The following SIGLEC14 variants were observed in gnomAD, a reference collection of about 807,000 sequenced individuals.
SIGLEC14 encodes the protein sialic acid binding Ig like lectin 14, also known as sialic acid-binding Ig-like lectin 14.
Under a neutral mutation model 34.2 loss-of-function variants are expected in SIGLEC14, and 11 were observed. That is an observed-to-expected ratio of 0.32 (90% CI 0.20 to 0.53). The LOEUF (loss-of-function observed/expected upper bound fraction) is 0.53, where lower values mean the gene tolerates loss of function less well. SIGLEC14 is among the 20% of genes least tolerant of loss of function. The pLI, the probability that SIGLEC14 is intolerant of heterozygous loss-of-function variation, is 0.95. For missense variants in SIGLEC14, 264 were observed against 439.0 expected (o/e 0.60, Z 3.56); for synonymous variants, 99 against 179.7 (o/e 0.55, Z 3.59).
In SIGLEC14 at chr19:51,643,074, G is replaced by A. The variant is rs534116516; in HGVS notation, c.*281C>T. 4 of 372,250 alleles carry A rather than the reference G, an allele frequency of 1.1e-5. No individual in the cohort carries two copies. In the South Asian group the frequency reaches 1.1e-4, roughly 11 times the overall value. 23.1% of individuals were successfully genotyped at this position (372,250 alleles called of 1,614,324 possible). The stretch of plus-strand genomic sequence containing the variant: ...AACTTTTGGGTAATGGGTAATGGGG[G>A]TATAAGACCGAAAGTACATTCCCTT... On this transcript the variant is annotated 3_prime_UTR_variant, in exon 7 of 7. Transcript: ENST00000360844.
rs1329045828 is a variant in SIGLEC14, at chr19:51,643,759, G to A, written c.1012+20C>T. On this transcript the variant is annotated intron_variant, in intron 5 of 6. Coordinates refer to ENST00000360844, the MANE Select transcript of SIGLEC14 (RefSeq NM_001098612.3). ...TACCTCACCGGGCTGTCTACCCTCAGCACCTGTCCTGCAACTCACTCTGCA... is the reference window on the plus strand; with the variant it reads ...TACCTCACCGGGCTGTCTACCCTCAACACCTGTCCTGCAACTCACTCTGCA... 7.3e-6 allele frequency: 11 copies of A among 1,512,190 alleles called. 1 individual carries two copies. Among genetic ancestry groups the A allele is most frequent in the Non-Finnish European group, 9.7e-6 (11 of 1,128,618 alleles). 93.7% of individuals were successfully genotyped at this position (1,512,190 alleles called of 1,614,324 possible). A position where few individuals can be genotyped will look rare whatever the true frequency, so the allele number is the denominator to read the frequency against.
rs1287887731 is a variant in SIGLEC14 at position 51,646,489 on chromosome 19, G to A, written c.189C>T (p.Asp63=). 9.7e-6 allele frequency: 6 copies of A among 617,918 alleles called. 1 individual carries two copies. Among genetic ancestry groups the A allele is most frequent in the South Asian group, 5.8e-5 (3 of 51,656 alleles). 38.3% of individuals were successfully genotyped at this position (617,918 alleles called of 1,614,324 possible). Residue 63 remains aspartate, a synonymous_variant, in exon 2 of 7, where the codon GAC becomes GAT. Coordinates refer to ENST00000360844, the MANE Select transcript of SIGLEC14 (RefSeq NM_001098612.3). ...CCTCAGCGTAGTATGGGATCTCCCCGTCCCGGAACCAGTAGACGTAGAGTG... is the reference window on the plus strand; with the variant it reads ...CCTCAGCGTAGTATGGGATCTCCCCATCCCGGAACCAGTAGACGTAGAGTG... ...SPPLYVYWFR[D]GEIPYYAEVV...
In SIGLEC14 at chr19:51,640,703, G is replaced by A. The variant is rs1019876679; in HGVS notation, c.*2652C>T. Among the ~76,000 whole-genome samples the A allele has an allele frequency of 3.6e-5, 5 of 139,690 alleles. No individual in the cohort carries two copies. The highest frequency in any genetic ancestry group is 1.4e-4 in the Admixed American group (2 of 14,558). The allele number at this position is 139,690 out of a possible 152,430, so 91.6% of individuals were successfully genotyped here. On this transcript the variant is annotated 3_prime_UTR_variant, in exon 7 of 7. Coordinates refer to ENST00000360844, the MANE Select transcript of SIGLEC14 (RefSeq NM_001098612.3). ...TAAAACAGTTGATTCAGCCAACTGC[G>A]GTGGCTCACGCCTATAATCCCAGCA...
Position 51,643,410 on chromosome 19 carries a change from C to T in SIGLEC14, c.1149-13G>A. Reference sequence around the variant, plus strand: ...GGGGCCTCCACACCTGCAGAGCCAACATGGGCCTCAGATCAGCACCAGCCA... The same window carrying T: ...GGGGCCTCCACACCTGCAGAGCCAATATGGGCCTCAGATCAGCACCAGCCA... On this transcript the variant is annotated splice_polypyrimidine_tract_variant and intron_variant, in intron 6 of 6. Transcript: ENST00000360844. 3 of 1,510,704 alleles carry T rather than the reference C, an allele frequency of 2.0e-6. 1 individual carries two copies. Among genetic ancestry groups the T allele is most frequent in the South Asian group, 2.5e-5 (2 of 81,604 alleles). 93.6% of individuals were successfully genotyped at this position (1,510,704 alleles called of 1,614,324 possible).
At chr19:51,645,348 G>A in intron 4 of SIGLEC14, 129 bp downstream of exon 4, 2 of 755,378 alleles carry the variant, frequency 2.6e-6, no homozygotes, top group Non-Finnish European at 4.2e-6. Flanking sequence ...CTGGGATTGG[G>A]GGGTTGGGAG....
In SIGLEC14 at chr19:51,643,129, G is replaced by A. The variant is rs768746246; in HGVS notation, c.*226C>T. On this transcript the variant is annotated 3_prime_UTR_variant, in exon 7 of 7. Coordinates refer to ENST00000360844, the MANE Select transcript of SIGLEC14 (RefSeq NM_001098612.3). ...GGGCTGGAGATGGTGGATGGAGAGG[G>A]AAGAGAAGGGCAGGTGGAGAGGGGA... 4.1e-6 allele frequency: 2 copies of A among 486,274 alleles called. 1 individual carries two copies. The highest frequency in any genetic ancestry group is 7.1e-6 in the Non-Finnish European group (2 of 279,884). The allele number at this position is 486,274 out of a possible 1,614,324, so 30.1% of individuals were successfully genotyped here.
At chr19:51,646,107 G>A (rs1490404272) in intron 2 of SIGLEC14, 47 bp from the exon 3 acceptor site, 3 of 847,820 alleles carry the variant, frequency 3.5e-6, no homozygotes, top group Non-Finnish European at 3.3e-6. Context: ...GCTTGAGGAC[G>A]TAAGGTGTGA....
chr19:51,645,753 G>T (rs767474974), intron 3 of SIGLEC14, 29 bp downstream of exon 3: 15 of 1,509,398 alleles, frequency 9.9e-6, no homozygotes, highest in African/African-American at 1.6e-5. Context: ...TGCCCTTGGG[G>T]ACTCAGCTGT....
At position 51,643,165 on chromosome 19, in the gene SIGLEC14, A is replaced by T; in HGVS notation, c.*190T>A. ...CAGGTGGAGAGGGGATGGGGTGCAG[A>T]TGGGGATGCAGGTGTGGTGGGGCAA... On this transcript the variant is annotated 3_prime_UTR_variant, in exon 7 of 7. Transcript: ENST00000360844. 1 of 541,920 alleles carries T rather than the reference A, an allele frequency of 1.8e-6. No individual in the cohort carries two copies. Among genetic ancestry groups the T allele is most frequent in the Non-Finnish European group, 3.2e-6 (1 of 313,808 alleles). 33.6% of individuals were successfully genotyped at this position (541,920 alleles called of 1,614,324 possible).
chr19:51,643,297 G>A lies in SIGLEC14; in HGVS notation c.*58C>T, dbSNP rs1366963691. 1 of 1,418,190 alleles carries A rather than the reference G, an allele frequency of 7.1e-7. No homozygotes were observed. Among genetic ancestry groups the A allele is most frequent in the Admixed American group, 1.7e-5 (1 of 57,284 alleles). The allele number at this position is 1,418,190 out of a possible 1,614,324, so 87.9% of individuals were successfully genotyped here. A position where few individuals can be genotyped will look rare whatever the true frequency, so the allele number is the denominator to read the frequency against. ...AGAAAGAAGCTGACAGTGATGTCCT[G>A]CATGTGTCCCACAGGGCTAAGTGTC... On this transcript the variant is annotated 3_prime_UTR_variant, in exon 7 of 7. Transcript: ENST00000360844.
Position 51,640,880 on chromosome 19 carries a change from C to T in SIGLEC14, c.*2475G>A, listed in dbSNP as rs1983890894. On this transcript the variant is annotated 3_prime_UTR_variant, in exon 7 of 7. Transcript: ENST00000360844. ...ATCCAAGCTATTTGGGAGGCTGAGG[C>T]AGGAGAATCACTTGTACCTGGGAGG... Among the ~76,000 whole-genome samples the T allele has an allele frequency of 7.2e-6, 1 of 138,288 alleles. No individual in the cohort carries two copies. Among genetic ancestry groups the T allele is most frequent in the Non-Finnish European group, 1.5e-5 (1 of 64,802 alleles). 90.7% of individuals were successfully genotyped at this position (138,288 alleles called of 152,430 possible).
Position 51,643,065 on chromosome 19 carries a change from G to C in SIGLEC14, c.*290C>G. 2 of 333,944 alleles carry C rather than the reference G, an allele frequency of 6.0e-6. 1 individual carries two copies. The allele number at this position is 333,944 out of a possible 1,614,324, so 20.7% of individuals were successfully genotyped here. ...AAAAAAGGTAACTTTTGGGTAATGG[G>C]TAATGGGGGTATAAGACCGAAAGTA... On this transcript the variant is annotated 3_prime_UTR_variant, in exon 7 of 7. Transcript: ENST00000360844.
chr19:51,646,304 T>A lies in SIGLEC14; in HGVS notation c.374A>T (p.Asp125Val), dbSNP rs1189440793. Residue 125 changes from aspartate to valine, a missense_variant, in exon 2 of 7, where the codon GAT becomes GTT. Around this residue, in one of 5 missense-constraint regions of SIGLEC14, gnomAD observed 31 missense variants for 67.4 expected, o/e 0.46. Coordinates refer to ENST00000360844, the MANE Select transcript of SIGLEC14 (RefSeq NM_001098612.3). The stretch of plus-strand genomic sequence containing the variant: ...ATTCTGTTGGTAGCTATATTTTACA[T>A]CCCTTCCTCTCTCCACGCGGAAGAA... Reference protein sequence around the residue: ...SYFFRVERGRDVKYSYQQNKL... With the variant: ...SYFFRVERGRVVKYSYQQNKL... The A allele has an allele frequency of 7.3e-7, 1 of 1,368,272 alleles. No individual in the cohort carries two copies. The highest frequency in any genetic ancestry group is 2.0e-5 in the African/African-American group (1 of 49,614). 84.8% of individuals were successfully genotyped at this position (1,368,272 alleles called of 1,614,324 possible).
At chr19:51,643,426 G>A (rs765102878) in intron 6 of SIGLEC14, 29 bp from the exon 7 acceptor site, 1 of 1,435,838 alleles carries the variant, frequency 7.0e-7, no homozygotes, top group Non-Finnish European at 9.2e-7. Flanking sequence ...CCTCAGATCA[G>A]CACCAGCCAC....
chr19:51,644,286 G>A lies in SIGLEC14; in HGVS notation c.755-250C>T, dbSNP rs1344916943. 2.9e-5 allele frequency among the ~76,000 whole-genome samples: 4 copies of A among 137,614 alleles called. 2 individuals carry two copies. Among genetic ancestry groups the A allele is most frequent in the African/African-American group, 5.5e-5 (2 of 36,050 alleles). The allele number at this position is 137,614 out of a possible 152,430, so 90.3% of individuals were successfully genotyped here. A position where few individuals can be genotyped will look rare whatever the true frequency, so the allele number is the denominator to read the frequency against. On this transcript the variant is annotated intron_variant, in intron 4 of 6. Transcript: ENST00000360844. ...GTGGATGGGCAGCTCAGGTGCAGAC[G>A]TGCCAAGAACTGAGACAGGCAGACG...
chr19:51,645,277 G>C lies in SIGLEC14; in HGVS notation c.754+200C>G, dbSNP rs1468195407. On this transcript the variant is annotated intron_variant, in intron 4 of 6. Transcript: ENST00000360844. ...AATGAAAAAATAAATCTGAAAAAGA[G>C]AGCAGAGAAAAGGGAGAAGCCAAAA... Among the ~76,000 whole-genome samples, 5 of 139,208 alleles carry C rather than the reference G, an allele frequency of 3.6e-5. 2 individuals are homozygous for C. The highest frequency in any genetic ancestry group is 1.4e-4 in the African/African-American group (5 of 36,636). 91.3% of individuals were successfully genotyped at this position (139,208 alleles called of 152,430 possible). A position where few individuals can be genotyped will look rare whatever the true frequency, so the allele number is the denominator to read the frequency against.
In SIGLEC14 at chr19:51,645,726, A is replaced by C. The variant is rs1230130991; in HGVS notation, c.700+56T>G. 41 of 1,261,800 alleles carry C rather than the reference A, an allele frequency of 3.2e-5. 3 individuals carry two copies. The highest frequency in any genetic ancestry group is 4.1e-5 in the Non-Finnish European group (38 of 928,780). 78.2% of individuals were successfully genotyped at this position (1,261,800 alleles called of 1,614,324 possible). ...CACACACACACACACACACACACAC[A>C]CCCCCCTCACTCCCACTGCCCTTGG... On this transcript the variant is annotated intron_variant, in intron 3 of 6. Transcript: ENST00000360844.
Position 51,643,041 on chromosome 19 carries a change from AAAAAG to A in SIGLEC14, c.*309_*313del. ...TCTGTCTCAAAAAAAAAAAAAAAAA[AAAAAG>A]GTAACTTTTGGGTAATGGGTAATGG... On this transcript the variant is annotated 3_prime_UTR_variant, in exon 7 of 7. Coordinates refer to ENST00000360844, the MANE Select transcript of SIGLEC14 (RefSeq NM_001098612.3). 1 of 241,802 alleles carries A rather than the reference AAAAAG, an allele frequency of 4.1e-6. No homozygotes were observed. The highest frequency in any genetic ancestry group is 4.1e-5 in the South Asian group (1 of 24,302). 15.0% of individuals were successfully genotyped at this position (241,802 alleles called of 1,614,324 possible). A position where few individuals can be genotyped will look rare whatever the true frequency, so the allele number is the denominator to read the frequency against.
chr19:51,643,474 G>GT, intron 6 of SIGLEC14, 63 bp downstream of exon 6: 1 of 1,370,682 alleles, frequency 7.3e-7, no homozygotes, highest in Non-Finnish European at 9.6e-7. Context: ...GCTGTCCTGG[G>GT]GCAGGACAGC....
Sources: allele counts gnomAD v4.1 joint callset (sites outside exome capture counted in the v4.1 genomes callset), GRCh38; gene constraint gnomAD v4.1.1; regional missense constraint gnomAD v4.1.1; transcripts MANE v1.5; gene names NCBI Gene and HGNC (gene_info 2026-07-23, HGNC 2026-07-21).